The following TRHR variants were observed in gnomAD, a reference collection of about 807,000 sequenced individuals.
TRHR encodes thyrotropin releasing hormone receptor, also known as thyrotropin-releasing hormone receptor.
A neutral mutation model predicts 28.0 loss-of-function variants in TRHR; 14 were observed. That is an observed-to-expected ratio of 0.50 (90% CI 0.33 to 0.78). The LOEUF (loss-of-function observed/expected upper bound fraction) is 0.78, where lower values mean the gene tolerates loss of function less well. Ranked by LOEUF, TRHR falls within the 30% of genes least tolerant of loss-of-function variation. The pLI is 0.02. For synonymous variants in TRHR, 176 were observed against 171.9 expected, an observed-to-expected ratio of 1.02 and a Z score of -0.18; for missense variants, 438 against 469.5, an observed-to-expected ratio of 0.93 and a Z score of 0.62.
chr8:109,116,660 AT>A (rs1461787928), intron 2 of TRHR, among the ~76,000 whole-genome samples: 1 of 151,938 alleles, frequency 6.6e-6, no homozygotes, highest in Non-Finnish European at 1.5e-5. Context: ...CCCCTTTATC[AT>A]TTTTTATTGT....
rs1335131895 is a variant in TRHR, at chr8:109,119,497, T to C, written c.*42T>C. On this transcript the variant is annotated 3_prime_UTR_variant, in exon 3 of 3. Coordinates refer to ENST00000518632, the MANE Select transcript of TRHR (RefSeq NM_003301.7). The stretch of plus-strand genomic sequence containing the variant: ...AAATGGATGACAAAGAAAATGAGAA[T>C]CTGTGCAGTCATCAACAAAAGGGAG... The C allele has an allele frequency of 1.2e-6, 2 of 1,603,384 alleles. No individual in the cohort carries two copies. Among genetic ancestry groups the C allele is most frequent in the Non-Finnish European group, 1.7e-6 (2 of 1,176,240 alleles).
At chr8:109,101,598 T>C (rs1429092706) in intron 2 of TRHR, among the ~76,000 whole-genome samples, 1 of 150,986 alleles carries the variant, frequency 6.6e-6, no homozygotes, top group Non-Finnish European at 1.5e-5. Flanking sequence ...TGTTAGCTAC[T>C]GTTATTATTA....
chr8:109,109,522 A>C (rs1398294248), intron 2 of TRHR, among the ~76,000 whole-genome samples: 2 of 151,952 alleles, frequency 1.3e-5, no homozygotes, highest in African/African-American at 4.8e-5. Flanking sequence ...ATATATTTTA[A>C]TTATCTTTCT....
chr8:109,087,654 C>A lies in TRHR; in HGVS notation c.142C>A (p.Leu48Met). 1 of 1,614,070 alleles carries A rather than the reference C, an allele frequency of 6.2e-7. No individual in the cohort carries two copies. Among genetic ancestry groups the A allele is most frequent in the Non-Finnish European group, 8.5e-7 (1 of 1,180,018 alleles). ...CATTGTAGGCAACATCATGGTAGTC[C>A]TGGTTGTCATGAGAACCAAGCACAT... ...LGIVGNIMVV[L>M]VVMRTKHMRT... Residue 48 changes from leucine to methionine, a missense_variant, in exon 2 of 3, where the codon CTG becomes ATG. By Grantham distance (15) the Leu-to-Met change is conservative. Transcript: ENST00000518632.
chr8:109,107,974 A>G (rs1051940909), intron 2 of TRHR, among the ~76,000 whole-genome samples: 1 of 152,114 alleles, frequency 6.6e-6, no homozygotes, highest in Non-Finnish European at 1.5e-5. Context: ...GAAAAGGTTG[A>G]ATTCATGGTT....
chr8:109,088,618 T>A (rs1336003839), intron 2 of TRHR, among the ~76,000 whole-genome samples: 1 of 152,222 alleles, frequency 6.6e-6, no homozygotes, highest in Non-Finnish European at 1.5e-5. Flanking sequence ...TATCAGAATA[T>A]TTGGAGAATT....
intron 2 of TRHR, among the ~76,000 whole-genome samples, chr8:109,090,003 T>C (rs1811497337): frequency 1.3e-5 from 2 of 152,326 alleles, no homozygotes; most frequent in South Asian, 4.1e-4. Flanking sequence ...CAGTCTTATT[T>C]CAAAGCTGTT....
intron 2 of TRHR, among the ~76,000 whole-genome samples, chr8:109,095,275 G>A (rs772263874): frequency 7.2e-5 from 11 of 152,186 alleles, no homozygotes; most frequent in Middle Eastern, 3.4e-3. Context: ...GAGAGAGAAC[G>A]TGGCATCAAT....
chr8:109,112,960 T>C (rs150023293), intron 2 of TRHR, among the ~76,000 whole-genome samples: 423 of 152,308 alleles, frequency 2.8e-3, no homozygotes, highest in Non-Finnish European at 5.1e-3. Flanking sequence ...AAGAACTTTG[T>C]TAATTTCAGA....
rs34645119 is a variant in TRHR, at chr8:109,093,400, C to CTTTTTTTT, written c.789+5116_789+5123dup. 9.4e-4 allele frequency among the ~76,000 whole-genome samples: 73 copies of CTTTTTTTT among 77,394 alleles called. 1 individual carries two copies. The highest frequency in any genetic ancestry group is 1.1e-3 in the African/African-American group (21 of 18,638). The allele number at this position is 77,394 out of a possible 152,430, so 50.8% of individuals were successfully genotyped here. On this transcript the variant is annotated intron_variant, in intron 2 of 2. Coordinates refer to ENST00000518632, the MANE Select transcript of TRHR (RefSeq NM_003301.7). ...CAACTCCTACCTCTAGTGCTATTTA[C>CTTTTTTTT]TTTTTTTTTTTTTTTTTTTTTTTTG...
At chr8:109,112,456 C>T (rs142446427) in intron 2 of TRHR, among the ~76,000 whole-genome samples, 192 of 152,194 alleles carry the variant, frequency 1.3e-3, no homozygotes, top group African/African-American at 4.5e-3. Context: ...TGGGCTGTGG[C>T]CCAAGAAATA....
chr8:109,092,196 A>AT (rs900605997), intron 2 of TRHR, among the ~76,000 whole-genome samples: 15 of 152,000 alleles, frequency 9.9e-5, no homozygotes, highest in Admixed American at 7.2e-4. Context: ...TGCTTCAATA[A>AT]TTTTTTTCTT....
chr8:109,095,511 C>T (rs1040107019), intron 2 of TRHR, among the ~76,000 whole-genome samples: 26 of 152,134 alleles, frequency 1.7e-4, no homozygotes, highest in Non-Finnish European at 5.9e-5. Context: ...AGAAGGAAGT[C>T]TGAGCCAGAT....
intron 2 of TRHR, among the ~76,000 whole-genome samples, chr8:109,089,973 C>A (rs537501199): frequency 7.4e-4 from 113 of 152,262 alleles, no homozygotes; most frequent in African/African-American, 2.6e-3. Flanking sequence ...CTTTAATTTG[C>A]TAATTATGTT....
chr8:109,110,011 C>T (rs779632300), intron 2 of TRHR, among the ~76,000 whole-genome samples: 24 of 152,142 alleles, frequency 1.6e-4, no homozygotes, highest in Non-Finnish European at 2.2e-4. Context: ...CCTGTAACTC[C>T]TACTGTCATC....
chr8:109,119,370 C>T lies in TRHR; in HGVS notation c.1112C>T (p.Thr371Ile), dbSNP rs1297027270. 1.2e-6 allele frequency: 2 copies of T among 1,612,266 alleles called. No individual in the cohort carries two copies. Among genetic ancestry groups the T allele is most frequent in the African/African-American group, 2.7e-5 (2 of 74,772 alleles). ...DHFSTELDDI[T>I]VTDTYLSATK... ...TTCAGCACAGAGCTTGATGATATCA[C>T]TGTCACTGACACTTACCTGTCTGCC... is the stretch of plus-strand genomic sequence containing the variant. The change falls in exon 3 of 3, where the codon ACT becomes ATT. Residue 371 changes from threonine (T) to isoleucine (I), a missense_variant. Coordinates refer to ENST00000518632, the MANE Select transcript of TRHR (RefSeq NM_003301.7).
At chr8:109,114,056 C>T (rs4342559) in intron 2 of TRHR, among the ~76,000 whole-genome samples, 86,864 of 151,894 alleles carry the variant, frequency 0.57, 26,499 homozygotes, top group African/African-American at 0.79. Context: ...GACAAAAGGG[C>T]GTGTTGAGAA....
chr8:109,091,032 G>A (rs1811511104), intron 2 of TRHR, among the ~76,000 whole-genome samples: 2 of 149,290 alleles, frequency 1.3e-5, no homozygotes, highest in South Asian at 4.1e-4. Context: ...AAGAATGTGA[G>A]TGATGAGCAG....
chr8:109,093,136 A>C (rs2129876058), intron 2 of TRHR, among the ~76,000 whole-genome samples: 1 of 152,178 alleles, frequency 6.6e-6, no homozygotes. Context: ...ATGACCTCAT[A>C]GTGCTATTGC....
Sources: gnomAD v4.1 joint callset for allele counts (sites outside exome capture counted in the v4.1 genomes callset) on GRCh38, gnomAD v4.1.1 for gene constraint, MANE v1.5 for transcripts, NCBI Gene and HGNC (gene_info 2026-07-23, HGNC 2026-07-21) for gene names.